The following SETBP1 variants were observed in gnomAD, a reference collection of about 807,000 sequenced individuals.
The protein encoded by SETBP1 is SET binding protein 1, also known as SET-binding protein.
Under a neutral mutation model 101.0 loss-of-function variants are expected in SETBP1, and 9 were observed. The observed-to-expected ratio is 0.09, with a 90% CI of 0.05 to 0.16. The LOEUF is 0.16. SETBP1 is among the 10% of genes least tolerant of loss of function. The pLI, the probability that SETBP1 is intolerant of heterozygous loss-of-function variation, is 1.00. For synonymous variants in SETBP1, 818 were observed against 788.5 expected (o/e 1.04, Z -0.63); for missense variants, 1,858 against 2,033.8 (o/e 0.91, Z 1.66).
At chr18:44,796,305 G>A (rs535367719) in intron 2 of SETBP1, among the ~76,000 whole-genome samples, 4 of 152,308 alleles carry the variant, frequency 2.6e-5, no homozygotes, top group Non-Finnish European at 5.9e-5. Context: ...TTATATATAT[G>A]ACTGAATTAA....
chr18:45,018,022 C>T (rs1425778622), intron 4 of SETBP1, among the ~76,000 whole-genome samples: 2 of 152,162 alleles, frequency 1.3e-5, no homozygotes, highest in African/African-American at 2.4e-5. Flanking sequence ...GCCTCAGTTT[C>T]CTCATCAGTG....
At chr18:44,906,033 G>A (rs2070166971) in intron 3 of SETBP1, among the ~76,000 whole-genome samples, 1 of 152,036 alleles carries the variant, frequency 6.6e-6, no homozygotes, top group Admixed American at 6.6e-5. Context: ...CATTTCCTAT[G>A]GCCCAGCAGC....
chr18:44,966,052 C>T (rs1316628242), intron 4 of SETBP1, among the ~76,000 whole-genome samples: 2 of 152,188 alleles, frequency 1.3e-5, no homozygotes, highest in Non-Finnish European at 2.9e-5. Context: ...CTCCTTACAG[C>T]TCTAACTAAA....
At chr18:44,897,666 G>A (rs1407008655) in intron 3 of SETBP1, among the ~76,000 whole-genome samples, 1 of 152,174 alleles carries the variant, frequency 6.6e-6, no homozygotes, top group Non-Finnish European at 1.5e-5. Flanking sequence ...TCAGAGAATA[G>A]GTAAATAGAA....
At chr18:45,037,666 C>T (rs2073424188) in intron 4 of SETBP1, among the ~76,000 whole-genome samples, 1 of 152,182 alleles carries the variant, frequency 6.6e-6, no homozygotes, top group Admixed American at 6.5e-5. Context: ...ATAGCTCTTA[C>T]TGTTTGTTAC....
In SETBP1 at chr18:45,027,928, G is replaced by A. The variant is rs75546265; in HGVS notation, c.4001-10557G>A. ...AGCTTCTAGATGCCATCTGCATTCC[G>A]TGATCATGACTTCCTTCCTCAGTCT... On this transcript the variant is annotated intron_variant, in intron 4 of 5. Coordinates refer to ENST00000649279, the MANE Select transcript of SETBP1 (RefSeq NM_015559.3). Among the ~76,000 whole-genome samples, 427 of 152,184 alleles carry A rather than the reference G, an allele frequency of 2.8e-3. 1 individual carries two copies. The East Asian group carries it at 0.043, about 15-fold the overall frequency.
intron 4 of SETBP1, among the ~76,000 whole-genome samples, chr18:44,978,248 C>T (rs975444781): frequency 2.0e-5 from 3 of 152,148 alleles, no homozygotes; most frequent in East Asian, 1.9e-4. Context: ...TCACAGGCCC[C>T]GATTTCTAAG....
chr18:45,057,963 C>A (rs1204809287), intron 5 of SETBP1, among the ~76,000 whole-genome samples: 1 of 152,148 alleles, frequency 6.6e-6, no homozygotes, highest in African/African-American at 2.4e-5. Context: ...AACGACTTGA[C>A]AAAATCAACA....
At chr18:44,875,955 C>G (rs915921663) in intron 3 of SETBP1, among the ~76,000 whole-genome samples, 8 of 152,272 alleles carry the variant, frequency 5.3e-5, no homozygotes, top group African/African-American at 1.7e-4. Flanking sequence ...CTGGTAAGTT[C>G]AGGACAAGTG....
chr18:44,842,292 AG>A (rs1233097110), intron 2 of SETBP1, among the ~76,000 whole-genome samples: 1 of 152,200 alleles, frequency 6.6e-6, no homozygotes, highest in Non-Finnish European at 1.5e-5. Context: ...GCACCAGCTC[AG>A]GGGGAGGGCC....
In SETBP1 at chr18:44,780,745, A is replaced by G. The variant is rs149815291; in HGVS notation, c.486+78913A>G. Among the ~76,000 whole-genome samples the G allele has an allele frequency of 9.2e-5, 14 of 152,358 alleles. No individual in the cohort carries two copies. The East Asian group carries it at 2.7e-3, about 29-fold the overall frequency. On this transcript the variant is annotated intron_variant, in intron 2 of 5. Transcript: ENST00000649279. ...GGTCTACTGAGGAATAGAGACCTTA[A>G]CAAGGCAATATAATAAAGCTGTTGA...
In SETBP1 at chr18:44,949,983, A is replaced by C. The variant is rs1457463834; in HGVS notation, c.643A>C (p.Ser215Arg). The change falls in exon 4 of 6, where the codon AGC (serine) becomes CGC (arginine). Residue 215 changes from serine to arginine, a missense_variant. Physicochemically the swap from Ser to Arg is moderately radical, Grantham distance 110 (BLOSUM62 -1). Transcript: ENST00000649279. ...TLKPKHQQKS[S>R]SQNHMDWSTN... ...AAAACCAAAGCACCAGCAAAAAAGC[A>C]GCAGCCAGAACCACATGGACTGGTC... 6.2e-7 allele frequency: 1 copy of C among 1,614,212 alleles called. No homozygotes were observed.
intron 4 of SETBP1, chr18:44,988,849 T>G (rs1367346134): frequency 6.6e-6 from 1 of 152,172 alleles, no homozygotes; most frequent in Non-Finnish European, 1.5e-5. Context: ...AGTTCTCATA[T>G]GAATAGGGGG....
At chr18:44,785,383 T>A (rs1369926588) in intron 2 of SETBP1, among the ~76,000 whole-genome samples, 1 of 152,200 alleles carries the variant, frequency 6.6e-6, no homozygotes, top group African/African-American at 2.4e-5. Context: ...CAATTACCCA[T>A]CATGAATCTC....
chr18:45,005,728 G>T (rs1361240651), intron 4 of SETBP1, among the ~76,000 whole-genome samples: 1 of 143,678 alleles, frequency 7.0e-6, no homozygotes, highest in Non-Finnish European at 1.5e-5. Context: ...CTCACTGCAA[G>T]CCCCACCTTC....
intron 4 of SETBP1, among the ~76,000 whole-genome samples, chr18:44,992,021 T>C (rs1294797860): frequency 6.6e-6 from 1 of 152,174 alleles, no homozygotes; most frequent in Non-Finnish European, 1.5e-5. Context: ...AAAACACTTA[T>C]ATTTAATTCA....
At position 45,066,701 on chromosome 18, in the gene SETBP1, G is replaced by A. The variant is rs2073972088; in HGVS notation, c.*3003G>A. ...TTTTTTTTTTGAGAAGAGGTCTTTT[G>A]GGATGCATGGTGCTCCACATACAGC... On this transcript the variant is annotated 3_prime_UTR_variant, in exon 6 of 6. Coordinates refer to ENST00000649279, the MANE Select transcript of SETBP1 (RefSeq NM_015559.3). 6.7e-6 allele frequency: 1 copy of A among 148,724 alleles called. No individual in the cohort carries two copies. Among genetic ancestry groups the A allele is most frequent in the Non-Finnish European group, 1.5e-5 (1 of 67,330 alleles). 9.2% of individuals were successfully genotyped at this position (148,724 alleles called of 1,614,324 possible). A position where few individuals can be genotyped will look rare whatever the true frequency, so the allele number is the denominator to read the frequency against.
At chr18:45,039,449 A>G (rs972422918) in intron 5 of SETBP1, among the ~76,000 whole-genome samples, 1 of 152,222 alleles carries the variant, frequency 6.6e-6, no homozygotes, top group Non-Finnish European at 1.5e-5. Context: ...ATTACATCCT[A>G]CAAGTCCTTA....
chr18:44,998,329 A>G (rs1317884261), intron 4 of SETBP1, among the ~76,000 whole-genome samples: 2 of 152,224 alleles, frequency 1.3e-5, no homozygotes, highest in Non-Finnish European at 2.9e-5. Flanking sequence ...CACACCAGGC[A>G]CTTGCCCCAT....
Sources: allele counts gnomAD v4.1 joint callset (sites outside exome capture counted in the v4.1 genomes callset), GRCh38; gene constraint gnomAD v4.1.1; transcripts MANE v1.5; gene names NCBI Gene and HGNC (gene_info 2026-07-23, HGNC 2026-07-21).